The following PLCE1 variants were observed in gnomAD, a reference collection of about 807,000 sequenced individuals.
PLCE1 encodes 1-phosphatidylinositol 4,5-bisphosphate phosphodiesterase epsilon-1.
Under a neutral mutation model 242.8 loss-of-function variants are expected in PLCE1, and 119 were observed. That is an observed-to-expected ratio of 0.49 (90% CI 0.42 to 0.57). PLCE1 has a LOEUF of 0.57. Ranked by LOEUF, PLCE1 falls within the 20% of genes least tolerant of loss-of-function variation. The pLI is 0.00. For missense variants in PLCE1, 2,441 were observed against 2,788.8 expected (o/e 0.88, Z 2.81); for synonymous variants, 945 against 1,017.4 (o/e 0.93, Z 1.35).
intron 4 of PLCE1, among the ~76,000 whole-genome samples, chr10:94,220,338 A>G (rs918819055): frequency 9.0e-5 from 13 of 144,524 alleles, no homozygotes; most frequent in African/African-American, 3.3e-4. Flanking sequence ...GAGAGACTCC[A>G]TTTCTAAAAA....
At chr10:94,268,059 A>AT (rs76768847) in intron 16 of PLCE1, among the ~76,000 whole-genome samples, 2,901 of 152,244 alleles carry the variant, frequency 0.019, 28 homozygotes, top group South Asian at 0.041. Context: ...GTATGTAATA[A>AT]TTTTTTAAGA....
At chr10:94,086,906 T>C (rs369277512) in intron 2 of PLCE1, among the ~76,000 whole-genome samples, 1 of 152,320 alleles carries the variant, frequency 6.6e-6, no homozygotes, top group East Asian at 1.9e-4. Flanking sequence ...GGGGCTATTA[T>C]AAGGACAAGT....
intron 2 of PLCE1, among the ~76,000 whole-genome samples, chr10:94,079,201 G>C (rs2044587908): frequency 6.6e-6 from 1 of 152,172 alleles, no homozygotes; most frequent in Non-Finnish European, 1.5e-5. Flanking sequence ...AATGTCACTT[G>C]AGTCAAGTGG....
chr10:93,994,712 C>T (rs1246370386), intron 1 of PLCE1, among the ~76,000 whole-genome samples: 3 of 152,218 alleles, frequency 2.0e-5, no homozygotes, highest in Non-Finnish European at 4.4e-5. Context: ...CCTTCAAGTC[C>T]TTTAATGCTA....
intron 24 of PLCE1, among the ~76,000 whole-genome samples, chr10:94,299,239 A>G (rs1388806309): frequency 6.6e-6 from 1 of 152,230 alleles, no homozygotes; most frequent in Non-Finnish European, 1.5e-5. Context: ...ATGACGCCTA[A>G]AACTCCAGAG....
chr10:94,155,506 C>T (rs1237229820), intron 3 of PLCE1: 1 of 151,824 alleles, frequency 6.6e-6, no homozygotes, highest in East Asian at 1.9e-4. Flanking sequence ...GAGTGATGGC[C>T]AACATATACA....
chr10:94,025,962 TCTA>T (rs764359981), intron 1 of PLCE1, among the ~76,000 whole-genome samples: 120 of 152,316 alleles, frequency 7.9e-4, no homozygotes, highest in Non-Finnish European at 1.4e-3. Context: ...ACTTTTCAGC[TCTA>T]CTATTATAAT....
intron 3 of PLCE1, among the ~76,000 whole-genome samples, chr10:94,144,129 T>C (rs535285979): frequency 1.3e-5 from 2 of 152,332 alleles, no homozygotes; most frequent in South Asian, 4.1e-4. Context: ...TCTAGGCTGA[T>C]ACACTACCAA....
intron 22 of PLCE1, among the ~76,000 whole-genome samples, chr10:94,288,658 A>T (rs892605428): frequency 1.1e-4 from 16 of 152,108 alleles, no homozygotes; most frequent in Admixed American, 1.3e-4. Flanking sequence ...ATTTTGCCTC[A>T]TTCTCCTTTG....
At chr10:94,245,839 T>C (rs2050660050) in intron 7 of PLCE1, 107 bp from the exon 8 acceptor site, 1 of 891,844 alleles carries the variant, frequency 1.1e-6, no homozygotes, top group Non-Finnish European at 1.9e-6. Flanking sequence ...CTATGCTAAT[T>C]TGAATTCATA....
At chr10:94,231,937 T>C (rs529009816) in intron 5 of PLCE1, among the ~76,000 whole-genome samples, 2 of 152,358 alleles carry the variant, frequency 1.3e-5, no homozygotes, top group Non-Finnish European at 2.9e-5. Flanking sequence ...GAGCCAGTAC[T>C]GGTCTGCGGC....
rs373388957 is a variant in PLCE1, at chr10:94,308,705, G to C, written c.6003+6G>C. ...ATACCATGTCAGCCTCTTCGGTAAT[G>C]AAGTTCTGTTTCACTCAACATATTT... On this transcript the variant is annotated splice_donor_region_variant and intron_variant, in intron 27 of 32. Transcript: ENST00000371380. 2.6e-6 allele frequency: 4 copies of C among 1,554,246 alleles called. No homozygotes were observed. Among genetic ancestry groups the C allele is most frequent in the African/African-American group, 2.7e-5 (2 of 73,758 alleles).
At chr10:94,114,106 G>A (rs1412263125) in intron 2 of PLCE1, among the ~76,000 whole-genome samples, 1 of 152,126 alleles carries the variant, frequency 6.6e-6, no homozygotes, top group Non-Finnish European at 1.5e-5. Flanking sequence ...GCCTCCATAG[G>A]ACCTGCCTTA....
At chr10:94,145,380 G>A (rs1044706463) in intron 3 of PLCE1, among the ~76,000 whole-genome samples, 1 of 152,168 alleles carries the variant, frequency 6.6e-6, no homozygotes, top group African/African-American at 2.4e-5. Context: ...TCCAGGCCCA[G>A]GTGGACTGTT....
At chr10:94,024,851 C>T (rs1013952396) in intron 1 of PLCE1, among the ~76,000 whole-genome samples, 1 of 152,134 alleles carries the variant, frequency 6.6e-6, no homozygotes. Context: ...TTATTTCACT[C>T]TTCTGTACTC....
At chr10:94,232,356 A>G (rs1564811416) in intron 5 of PLCE1, among the ~76,000 whole-genome samples, 2 of 152,206 alleles carry the variant, frequency 1.3e-5, no homozygotes, top group Non-Finnish European at 2.9e-5. Context: ...TCACAACCCA[A>G]CCAGTCTCAG....
At chr10:94,225,360 C>G (rs2049901594) in intron 4 of PLCE1, 1 of 152,292 alleles carries the variant, frequency 6.6e-6, no homozygotes, top group East Asian at 1.9e-4. Context: ...GAGGACCTAC[C>G]CAGAGCCAAG....
intron 4 of PLCE1, among the ~76,000 whole-genome samples, chr10:94,211,393 G>A (rs1275012671): frequency 6.6e-6 from 1 of 152,234 alleles, no homozygotes; most frequent in East Asian, 1.9e-4. Flanking sequence ...TCTAGCCTCA[G>A]CATTACCACT....
chr10:94,221,618 C>G (rs1272402512), intron 4 of PLCE1, among the ~76,000 whole-genome samples: 8 of 152,128 alleles, frequency 5.3e-5, no homozygotes, highest in Non-Finnish European at 1.0e-4. Flanking sequence ...GCCTGTAATT[C>G]CAGCTACTTG....
Sources: gnomAD v4.1 joint callset for allele counts (sites outside exome capture counted in the v4.1 genomes callset) on GRCh38, gnomAD v4.1.1 for gene constraint, MANE v1.5 for transcripts, NCBI Gene and HGNC (gene_info 2026-07-23, HGNC 2026-07-21) for gene names.